Variants in COL8A1 observed in about 807,000 individuals in gnomAD.
COL8A1 encodes the protein collagen type VIII alpha 1 chain.
Under a neutral mutation model 42.7 loss-of-function variants are expected in COL8A1, and 21 were observed. The observed-to-expected ratio is 0.49, with a 90% CI of 0.35 to 0.71. COL8A1 has a LOEUF of 0.71. Ranked by LOEUF, COL8A1 falls within the 30% of genes least tolerant of loss-of-function variation. The pLI is 0.01. For synonymous variants in COL8A1, 367 were observed against 369.1 expected (o/e 0.99, Z 0.06); for missense variants, 788 against 962.4 (o/e 0.82, Z 2.40).
At chr3:99,639,120 G>A (rs757002732) in intron 1 of COL8A1, among the ~76,000 whole-genome samples, 1 of 152,144 alleles carries the variant, frequency 6.6e-6, no homozygotes, top group Non-Finnish European at 1.5e-5. Context: ...AAACCCCCAA[G>A]ACAGCTTCTG....
At chr3:99,783,445 T>C (rs1941833421) in intron 2 of COL8A1, among the ~76,000 whole-genome samples, 1 of 152,234 alleles carries the variant, frequency 6.6e-6, no homozygotes, top group Admixed American at 6.5e-5. Context: ...CCAGTAGATG[T>C]AAATGAGCAG....
intron 1 of COL8A1, among the ~76,000 whole-genome samples, chr3:99,685,727 T>C (rs530440107): frequency 6.6e-6 from 1 of 152,292 alleles, no homozygotes; most frequent in African/African-American, 2.4e-5. Context: ...GGCCAAATCA[T>C]GTTGATTTTA....
chr3:99,749,192 A>C (rs1348584053), intron 2 of COL8A1, among the ~76,000 whole-genome samples: 1 of 152,170 alleles, frequency 6.6e-6, no homozygotes, highest in African/African-American at 2.4e-5. Context: ...AAAATAGCTC[A>C]GATAACTAAA....
chr3:99,689,576 T>G (rs1007764812), intron 1 of COL8A1, among the ~76,000 whole-genome samples: 1 of 152,218 alleles, frequency 6.6e-6, no homozygotes, highest in African/African-American at 2.4e-5. Flanking sequence ...TTGCCATTAT[T>G]TATTTGGAAT....
At chr3:99,659,552 G>A (rs1938134985) in intron 1 of COL8A1, among the ~76,000 whole-genome samples, 1 of 152,142 alleles carries the variant, frequency 6.6e-6, no homozygotes, top group East Asian at 1.9e-4. Flanking sequence ...TGGTTTTAAA[G>A]CCCTAATTTT....
intron 2 of COL8A1, among the ~76,000 whole-genome samples, chr3:99,776,749 G>C (rs751785164): frequency 7.9e-5 from 12 of 152,212 alleles, no homozygotes; most frequent in Non-Finnish European, 1.6e-4. Flanking sequence ...GCTTAGCTAA[G>C]AATACTTATA....
At chr3:99,759,992 T>C (rs1381419671) in intron 2 of COL8A1, among the ~76,000 whole-genome samples, 1 of 152,160 alleles carries the variant, frequency 6.6e-6, no homozygotes, top group Admixed American at 6.6e-5. Flanking sequence ...TTTATATATG[T>C]TTTTGAGTCT....
chr3:99,657,685 A>T (rs1196360381), intron 1 of COL8A1, among the ~76,000 whole-genome samples: 4 of 152,078 alleles, frequency 2.6e-5, no homozygotes, highest in African/African-American at 9.7e-5. Context: ...GGAGCTATTT[A>T]TCTTCATTCA....
chr3:99,725,646 A>C (rs1940292387), intron 1 of COL8A1, among the ~76,000 whole-genome samples: 1 of 137,506 alleles, frequency 7.3e-6, no homozygotes, highest in Non-Finnish European at 1.5e-5. Context: ...ATTCCCACCT[A>C]TAAGTGAGAA....
chr3:99,655,990 G>C (rs781205662), intron 1 of COL8A1, among the ~76,000 whole-genome samples: 2 of 152,228 alleles, frequency 1.3e-5, no homozygotes. Flanking sequence ...GGCATTCACT[G>C]TGGACACAAA....
At chr3:99,699,237 C>G (rs963052202) in intron 1 of COL8A1, among the ~76,000 whole-genome samples, 1 of 152,226 alleles carries the variant, frequency 6.6e-6, no homozygotes, top group African/African-American at 2.4e-5. Context: ...TCTACTCCAG[C>G]CATTTCTCTC....
At chr3:99,643,139 A>G (rs1046668656) in intron 1 of COL8A1, among the ~76,000 whole-genome samples, 1 of 152,192 alleles carries the variant, frequency 6.6e-6, no homozygotes, top group Admixed American at 6.5e-5. Context: ...TCATACAGCC[A>G]GTTTCTCCAG....
chr3:99,716,234 G>C (rs967802560), intron 1 of COL8A1, among the ~76,000 whole-genome samples: 6 of 151,992 alleles, frequency 3.9e-5, no homozygotes, highest in African/African-American at 1.4e-4. Context: ...AAAACTTGTT[G>C]ATGCATGAAC....
chr3:99,769,931 A>G (rs1477719067), intron 2 of COL8A1, among the ~76,000 whole-genome samples: 1 of 152,182 alleles, frequency 6.6e-6, no homozygotes, highest in East Asian at 1.9e-4. Flanking sequence ...AAAAAATTAC[A>G]AAAGACAGAT....
intron 1 of COL8A1, among the ~76,000 whole-genome samples, chr3:99,722,236 A>G (rs1313233595): frequency 1.3e-5 from 2 of 152,148 alleles, no homozygotes; most frequent in Non-Finnish European, 2.9e-5. Flanking sequence ...AAGACAGGAA[A>G]CACATCCATG....
At chr3:99,669,146 T>TATATATATATATATAGAGAGAGAGAGAG in intron 1 of COL8A1, among the ~76,000 whole-genome samples, 5 of 115,388 alleles carry the variant, frequency 4.3e-5, no homozygotes, top group East Asian at 3.1e-4. Flanking sequence ...TATATATATA[T>TATATATATATATATAGAGAGAGAGAGAG]AGAGGGAGAG....
Position 99,794,600 on chromosome 3 carries a change from T to C in COL8A1, c.699T>C (p.Pro233=), listed in dbSNP as rs757070748. 4.3e-6 allele frequency: 7 copies of C among 1,613,102 alleles called. No homozygotes were observed. The highest frequency in any genetic ancestry group is 5.9e-6 in the Non-Finnish European group (7 of 1,179,708). Reference sequence around the variant, plus strand: ...GAGGACCCAAAGGACTACCAGGACCTCAAGGCCTTCGGGGTCCTAAAGGAG... The same window carrying C: ...GAGGACCCAAAGGACTACCAGGACCCCAAGGCCTTCGGGGTCCTAAAGGAG... ...GDRGPKGLPG[P]QGLRGPKGDK... is the part of the protein sequence containing the mutation. Residue 233 remains proline (P), a synonymous_variant, in exon 4 of 4, where the codon CCT becomes CCC. Transcript: ENST00000652472. This position sits in a 1 kb window ranked among gnomAD's most constrained non-coding sequence, Gnocchi z 4.3.
intron 1 of COL8A1, among the ~76,000 whole-genome samples, chr3:99,728,908 A>G (rs1002051275): frequency 3.3e-5 from 5 of 152,168 alleles, no homozygotes; most frequent in Middle Eastern, 3.4e-3. Context: ...AATATTTACC[A>G]TTAGAAAAAG....
At chr3:99,658,081 C>T (rs1358083490) in intron 1 of COL8A1, among the ~76,000 whole-genome samples, 1 of 149,902 alleles carries the variant, frequency 6.7e-6, no homozygotes, top group Non-Finnish European at 1.5e-5. Flanking sequence ...GAGCCGAGAT[C>T]GCACCACTGC....
Sources: gnomAD v4.1 joint callset for allele counts (sites outside exome capture counted in the v4.1 genomes callset) on GRCh38, gnomAD v4.1.1 for gene constraint, Gnocchi (gnomAD v3.1) non-coding constraint, MANE v1.5 for transcripts, NCBI Gene and HGNC (gene_info 2026-07-23, HGNC 2026-07-21) for gene names.